The following SH3BP2 variants were observed in gnomAD, a reference collection of about 807,000 sequenced individuals.
The protein encoded by SH3BP2 is SH3 domain binding protein 2.
A neutral mutation model predicts 56.2 loss-of-function variants in SH3BP2; 38 were observed. That is an observed-to-expected ratio of 0.68 (90% CI 0.52 to 0.89). The LOEUF is 0.89. SH3BP2 is among the 40% of genes least tolerant of loss of function. The pLI, the probability that SH3BP2 is intolerant of heterozygous loss-of-function variation, is 0.00. For synonymous variants in SH3BP2, 346 were observed against 316.7 expected (o/e 1.09, Z -0.98); for missense variants, 748 against 762.6 (o/e 0.98, Z 0.23).
chr4:2,811,375 C>T (rs1330107168), intron 1 of SH3BP2, among the ~76,000 whole-genome samples: 1 of 152,336 alleles, frequency 6.6e-6, no homozygotes, highest in African/African-American at 2.4e-5. Context: ...CTGTCACCCT[C>T]AAATCCTGCT....
At chr4:2,832,165 G>T in intron 10 of SH3BP2, 166 bp from the exon 11 acceptor site, 1 of 937,870 alleles carries the variant, frequency 1.1e-6, no homozygotes, top group Non-Finnish European at 1.7e-6. Context: ...GCTGGCCAGG[G>T]CTCTGCTGGG....
intron 1 of SH3BP2, among the ~76,000 whole-genome samples, chr4:2,795,413 T>A (rs1723027705): frequency 6.6e-6 from 1 of 151,154 alleles, no homozygotes; most frequent in Non-Finnish European, 1.5e-5. Flanking sequence ...CTCTCTGTCC[T>A]CTCTTGACCT....
chr4:2,797,146 CCCCA>C (rs1433926265), intron 1 of SH3BP2, among the ~76,000 whole-genome samples: 1 of 152,140 alleles, frequency 6.6e-6, no homozygotes, highest in African/African-American at 2.4e-5. Flanking sequence ...GGTCCTGGGT[CCCCA>C]TGCCCTGCAG....
chr4:2,832,333 T>G lies in SH3BP2; in HGVS notation c.1409T>G (p.Leu470Trp). Reference protein sequence around the residue: ...NTTESCEVERLFKATSPRGEP... With the variant: ...NTTESCEVERWFKATSPRGEP... ...CTAATATGACTGTCTTATTTTAGGT[T>G]GTTCAAGGCTACAAGCCCCCGGGGA... Residue 470 changes from leucine to tryptophan, a missense_variant and splice_region_variant, in exon 11 of 13, where the codon TTG becomes TGG. Physicochemically the swap from Leu to Trp is moderately conservative, Grantham distance 61. This residue lies in a region of SH3BP2 where 635 missense variants were observed against 615.0 expected (regional missense o/e 1.03). Coordinates refer to ENST00000503393, the MANE Select transcript of SH3BP2 (RefSeq NM_001122681.2). 1 of 1,613,682 alleles carries G rather than the reference T, an allele frequency of 6.2e-7. No homozygotes were observed. Among genetic ancestry groups the G allele is most frequent in the Non-Finnish European group, 8.5e-7 (1 of 1,179,588 alleles).
chr4:2,793,227 G>C (rs182820), intron 1 of SH3BP2, 89 bp downstream of exon 1: 1 of 136,220 alleles, frequency 7.3e-6, no homozygotes, highest in African/African-American at 2.7e-5. Flanking sequence ...GGGCCTTGGC[G>C]GTCTGGGGGC....
chr4:2,832,174 G>T, intron 10 of SH3BP2, 157 bp from the exon 11 acceptor site: 2 of 954,262 alleles, frequency 2.1e-6, no homozygotes, highest in East Asian at 2.5e-5. Flanking sequence ...GGCTCTGCTG[G>T]GCTGCTTCTG....
chr4:2,808,217 G>A (rs966529092), intron 1 of SH3BP2, among the ~76,000 whole-genome samples: 3 of 152,176 alleles, frequency 2.0e-5, no homozygotes, highest in Admixed American at 1.3e-4. Flanking sequence ...GCTTCTGCTG[G>A]TGGCCGGCGA....
At position 2,820,777 on chromosome 4, in the gene SH3BP2, G is replaced by A. The variant is rs1160728798; in HGVS notation, c.136+24G>A. On this transcript the variant is annotated intron_variant, in intron 2 of 12. Coordinates refer to ENST00000503393, the MANE Select transcript of SH3BP2 (RefSeq NM_001122681.2). ...ATGTGAGTCCCTGGGGTGGTAGGGTGCACAGTAGGAGGGCATGGGGGCAGG... is the reference window on the plus strand; with the variant it reads ...ATGTGAGTCCCTGGGGTGGTAGGGTACACAGTAGGAGGGCATGGGGGCAGG... 8 of 1,607,254 alleles carry A rather than the reference G, an allele frequency of 5.0e-6. No homozygotes were observed. The East Asian group carries it at 6.7e-5, about 14-fold the overall frequency.
At chr4:2,816,148 G>A (rs1484977706) in intron 1 of SH3BP2, among the ~76,000 whole-genome samples, 1 of 151,864 alleles carries the variant, frequency 6.6e-6, no homozygotes, top group Non-Finnish European at 1.5e-5. Context: ...TCCACCTCCC[G>A]GGTTCAAGCG....
chr4:2,815,186 C>T (rs1262678162), intron 1 of SH3BP2, among the ~76,000 whole-genome samples: 1 of 152,236 alleles, frequency 6.6e-6, no homozygotes, highest in Non-Finnish European at 1.5e-5. Context: ...TTTCTGCTCT[C>T]AGCCTGGCCT....
rs189388350 is a variant in SH3BP2 at position 2,810,098 on chromosome 4, C to T, written c.-4-10516C>T. On this transcript the variant is annotated intron_variant, in intron 1 of 12. Transcript: ENST00000503393. The surrounding 1 kb of genome is among the most constrained non-coding windows in gnomAD (Gnocchi z 4.2). ...AATGGCCTGTGTTTAGGAATATGAA[C>T]GGCAGTGTCATATGCCGCAGGGATG... Among the ~76,000 whole-genome samples, 9 of 152,278 alleles carry T rather than the reference C, an allele frequency of 5.9e-5. No homozygotes were observed. In the East Asian group the frequency reaches 9.7e-4, roughly 16 times the overall value.
intron 1 of SH3BP2, among the ~76,000 whole-genome samples, chr4:2,794,977 C>T (rs1723014043): frequency 6.6e-6 from 1 of 152,192 alleles, no homozygotes; most frequent in South Asian, 2.1e-4. Context: ...ACTCAGATGC[C>T]ACCAGTTTCC....
At chr4:2,820,422 A>C (rs940393478) in intron 1 of SH3BP2, among the ~76,000 whole-genome samples, 192 bp from the exon 2 acceptor site, 1 of 152,070 alleles carries the variant, frequency 6.6e-6, no homozygotes, top group African/African-American at 2.4e-5. Flanking sequence ...GACTGAGTGG[A>C]GCCCGTGGCT....
At chr4:2,802,592 TTGTATATATG>T (rs1218119980) in intron 1 of SH3BP2, among the ~76,000 whole-genome samples, 1,885 of 132,144 alleles carry the variant, frequency 0.014, 28 homozygotes, top group Middle Eastern at 0.068. Context: ...ATATATATGT[TTGTATATATG>T]TGTATATATG....
In SH3BP2 at chr4:2,827,666, G is replaced by A. The variant is rs1313659807; in HGVS notation, c.578G>A (p.Arg193Lys). ...GAGCCTGACTCCCCGGAGCCCGGAA[G>A]GCTTGAGGGTAGGTGGGGCGGGTGG... ...YLEPDSPEPG[R>K]LEDALMHPPA... The change falls in exon 7 of 13, where the codon AGG becomes AAG. Residue 193 changes from arginine to lysine, a missense_variant. By Grantham distance (26) the Arg-to-Lys change is conservative. This residue lies in a region of SH3BP2 where 635 missense variants were observed against 615.0 expected (regional missense o/e 1.03). Transcript: ENST00000503393. The A allele has an allele frequency of 6.3e-7, 1 of 1,590,974 alleles. No individual in the cohort carries two copies. Among genetic ancestry groups the A allele is most frequent in the South Asian group, 1.1e-5 (1 of 87,444 alleles).
rs186324828 is a variant in SH3BP2 at position 2,828,571 on chromosome 4, A to G, written c.586+897A>G. Among the ~76,000 whole-genome samples the G allele has an allele frequency of 2.0e-5, 3 of 152,058 alleles. No individual in the cohort carries two copies. The South Asian group carries it at 6.2e-4, about 32-fold the overall frequency. On this transcript the variant is annotated intron_variant, in intron 7 of 12. Transcript: ENST00000503393. Reference sequence around the variant, plus strand: ...GTTCACCATGCCTGTCCCTTCGCCCACACACTACTGCCTTCCGTCTTAGCC... The same window carrying G: ...GTTCACCATGCCTGTCCCTTCGCCCGCACACTACTGCCTTCCGTCTTAGCC...
intron 1 of SH3BP2, among the ~76,000 whole-genome samples, chr4:2,816,229 G>C (rs1383575416): frequency 1.3e-5 from 2 of 151,974 alleles, no homozygotes; most frequent in Admixed American, 6.6e-5. Flanking sequence ...TAGTAGAAAT[G>C]GGGGTTTCAC....
At chr4:2,818,918 AT>A (rs1489688869) in intron 1 of SH3BP2, 2 of 984,468 alleles carry the variant, frequency 2.0e-6, no homozygotes, top group East Asian at 2.3e-4. Context: ...AGCAGAGAGT[AT>A]TTTTCTTTTT....
chr4:2,794,920 AG>A (rs1200276845), intron 1 of SH3BP2, among the ~76,000 whole-genome samples: 1 of 152,156 alleles, frequency 6.6e-6, no homozygotes, highest in Non-Finnish European at 1.5e-5. Flanking sequence ...TTGGTTCCTG[AG>A]GGGCAGGGAG....
Sources: allele counts gnomAD v4.1 joint callset (sites outside exome capture counted in the v4.1 genomes callset), GRCh38; gene constraint gnomAD v4.1.1; regional missense constraint gnomAD v4.1.1; non-coding constraint Gnocchi (gnomAD v3.1); transcripts MANE v1.5; gene names NCBI Gene and HGNC (gene_info 2026-07-23, HGNC 2026-07-21).